Variants in YME1L1 observed in about 807,000 individuals in gnomAD.
The protein encoded by YME1L1 is YME1 like 1 ATPase.
Under a neutral mutation model 90.4 loss-of-function variants are expected in YME1L1, and 39 were observed. That is an observed-to-expected ratio of 0.43 (90% CI 0.33 to 0.56). The LOEUF (loss-of-function observed/expected upper bound fraction) is 0.56. Among genes scored for constraint, YME1L1 ranks in the 20% least tolerant of loss-of-function variants. YME1L1 has a pLI of 0.03. For missense variants in YME1L1, 617 were observed against 868.4 expected (o/e 0.71, Z 3.64); for synonymous variants, 284 against 287.3 (o/e 0.99, Z 0.12).
intron 10 of YME1L1, 75 bp downstream of exon 10, chr10:27,123,468 GTAAT>G: frequency 2.7e-6 from 4 of 1,469,106 alleles, no homozygotes; most frequent in Non-Finnish European, 3.7e-6. Flanking sequence ...AAGAAAAAAA[GTAAT>G]TAGCAAAGAA....
intron 13 of YME1L1, among the ~76,000 whole-genome samples, chr10:27,120,203 T>C (rs2056852675): frequency 6.6e-6 from 1 of 152,116 alleles, no homozygotes; most frequent in Non-Finnish European, 1.5e-5. Context: ...TCAAATATTA[T>C]CTGTCTGAAT....
At chr10:27,140,158 C>A (rs1310551473) in intron 4 of YME1L1, among the ~76,000 whole-genome samples, 1 of 152,046 alleles carries the variant, frequency 6.6e-6, no homozygotes, top group Non-Finnish European at 1.5e-5. Context: ...TGCCACCACA[C>A]CTGGCTAATT....
intron 11 of YME1L1, 29 bp downstream of exon 11, chr10:27,122,812 T>C: frequency 1.2e-6 from 2 of 1,611,530 alleles, no homozygotes; most frequent in Non-Finnish European, 1.7e-6. Context: ...GGCATCACCA[T>C]ATTCTAAGAA....
chr10:27,147,179 A>G, intron 2 of YME1L1: 1 of 574,186 alleles, frequency 1.7e-6, no homozygotes, highest in Non-Finnish European at 3.1e-6. Context: ...TCTGTCTTAT[A>G]GAAGAAAATG....
intron 1 of YME1L1, among the ~76,000 whole-genome samples, chr10:27,150,830 G>A (rs1012053806): frequency 6.6e-6 from 1 of 151,504 alleles, no homozygotes; most frequent in Admixed American, 6.6e-5. Flanking sequence ...TCGTGGACAA[G>A]CCCAAGCAGC....
At chr10:27,133,870 G>A (rs187324084) in intron 7 of YME1L1, among the ~76,000 whole-genome samples, 169 bp downstream of exon 7, 1 of 152,028 alleles carries the variant, frequency 6.6e-6, no homozygotes, top group East Asian at 1.9e-4. Flanking sequence ...AATTGGACAG[G>A]TATCATTTTC....
chr10:27,135,240 A>G lies in YME1L1; in HGVS notation c.541-259T>C, dbSNP rs189292959. On this transcript the variant is annotated intron_variant, in intron 5 of 18. Coordinates refer to ENST00000376016, the MANE Select transcript of YME1L1 (RefSeq NM_014263.4). ...ACACTACACTGAAAACAGGTCACAT[A>G]TTATTTTAGGGTTTGATTGGCTTAA... is the stretch of plus-strand genomic sequence containing the variant. Among the ~76,000 whole-genome samples, 52 of 152,296 alleles carry G rather than the reference A, an allele frequency of 3.4e-4. 1 individual carries two copies. In the East Asian group the frequency reaches 8.3e-3, roughly 24 times the overall value.
rs965682685 is a variant in YME1L1 at position 27,111,528 on chromosome 10, C to T, written c.*449G>A. 4.5e-6 allele frequency: 1 copy of T among 221,824 alleles called. No homozygotes were observed. The highest frequency in any genetic ancestry group is 5.7e-5 in the South Asian group (1 of 17,504). The allele number at this position is 221,824 out of a possible 1,614,324, so 13.7% of individuals were successfully genotyped here. On this transcript the variant is annotated 3_prime_UTR_variant, in exon 19 of 19. Coordinates refer to ENST00000376016, the MANE Select transcript of YME1L1 (RefSeq NM_014263.4). Reference sequence around the variant, plus strand: ...TATTCCTGGCTCTGTGTTTCCGAGACTGCTTTTAATCCCAACTTCTCTACA... The same window carrying T: ...TATTCCTGGCTCTGTGTTTCCGAGATTGCTTTTAATCCCAACTTCTCTACA...
intron 2 of YME1L1, chr10:27,146,239 G>A (rs1283247766): frequency 1.3e-5 from 2 of 152,102 alleles, no homozygotes; most frequent in African/African-American, 4.8e-5. Context: ...GTTACCATAG[G>A]ACATCTCACT....
At chr10:27,146,656 T>C (rs1287659309) in intron 2 of YME1L1, 4 of 152,122 alleles carry the variant, frequency 2.6e-5, no homozygotes, top group African/African-American at 7.2e-5. Context: ...GAGCTGGAGG[T>C]TGCAGTGAGC....
rs1425596736 is a variant in YME1L1, at chr10:27,147,671, G to A, written c.168+1235C>T. ...GTCAGGAAGTCACTGAACATACACT[G>A]TAGGAAGAGAGGTTTTGATTCCTGG... On this transcript the variant is annotated intron_variant, in intron 2 of 18. Coordinates refer to ENST00000376016, the MANE Select transcript of YME1L1 (RefSeq NM_014263.4). 11 of 1,548,794 alleles carry A rather than the reference G, an allele frequency of 7.1e-6. No homozygotes were observed. The highest frequency in any genetic ancestry group is 1.4e-5 in the African/African-American group (1 of 73,130).
chr10:27,139,677 A>C (rs1227683739), intron 4 of YME1L1, among the ~76,000 whole-genome samples: 5 of 152,078 alleles, frequency 3.3e-5, no homozygotes, highest in African/African-American at 4.8e-5. Flanking sequence ...TTATTATCCT[A>C]TCTCTTCTTG....
At chr10:27,136,445 T>A in intron 4 of YME1L1, 60 bp from the exon 5 acceptor site, 1 of 1,401,168 alleles carries the variant, frequency 7.1e-7, no homozygotes. Flanking sequence ...GAAAAATGCC[T>A]AAGATTCTAA....
At chr10:27,144,576 T>G (rs1287168095) in intron 3 of YME1L1, among the ~76,000 whole-genome samples, 2 of 152,158 alleles carry the variant, frequency 1.3e-5, no homozygotes, top group Admixed American at 1.3e-4. Flanking sequence ...CATACTGTTA[T>G]GAGATTCAAG....
intron 4 of YME1L1, among the ~76,000 whole-genome samples, chr10:27,138,857 A>G (rs2057055976): frequency 6.6e-6 from 1 of 152,116 alleles, no homozygotes; most frequent in Non-Finnish European, 1.5e-5. Flanking sequence ...ATGTTTCTCA[A>G]ATTAACAGGA....
chr10:27,122,505 A>G (rs1486301236), intron 11 of YME1L1, among the ~76,000 whole-genome samples: 1 of 152,246 alleles, frequency 6.6e-6, no homozygotes, highest in African/African-American at 2.4e-5. Context: ...TGTAGAAACA[A>G]CTGTATTTCT....
chr10:27,149,940 G>T (rs1196843124), intron 1 of YME1L1, among the ~76,000 whole-genome samples: 2 of 151,778 alleles, frequency 1.3e-5, no homozygotes, highest in Non-Finnish European at 2.9e-5. Flanking sequence ...GCCAGGAATG[G>T]TGTTGGGCGC....
chr10:27,114,445 C>T, intron 18 of YME1L1, 76 bp downstream of exon 18: 1 of 1,144,766 alleles, frequency 8.7e-7, no homozygotes, highest in Non-Finnish European at 1.3e-6. Flanking sequence ...GGGCCTTCAG[C>T]TGTTATTTTT....
At chr10:27,117,231 A>G (rs534572126) in intron 15 of YME1L1, among the ~76,000 whole-genome samples, 19 of 152,362 alleles carry the variant, frequency 1.2e-4, no homozygotes, top group African/African-American at 4.6e-4. Context: ...CAGTTACTAC[A>G]AAACATAATG....
Sources: allele counts gnomAD v4.1 joint callset (sites outside exome capture counted in the v4.1 genomes callset), GRCh38; gene constraint gnomAD v4.1.1; transcripts MANE v1.5; gene names NCBI Gene and HGNC (gene_info 2026-07-23, HGNC 2026-07-21).